Variants in IFT52 observed in about 807,000 individuals in gnomAD.
IFT52 encodes the protein intraflagellar transport 52.
IFT52 carries 44 observed loss-of-function variants against 54.4 expected under a neutral mutation model. That is an observed-to-expected ratio of 0.81 (90% confidence interval 0.63 to 1.04). The LOEUF (loss-of-function observed/expected upper bound fraction) is 1.04. Ranked by LOEUF, IFT52 falls within the 50% of genes least tolerant of loss-of-function variation. The probability of loss-of-function intolerance (pLI) is 0.00; values close to 1 mark genes in which losing one functional copy is unlikely to be tolerated. For synonymous variants in IFT52, 181 were observed against 185.3 expected, an observed-to-expected ratio of 0.98 and a Z score of 0.19; for missense variants, 452 against 523.6, an observed-to-expected ratio of 0.86 and a Z score of 1.33.
chr20:43,631,802 C>G (rs1479476857), intron 10 of IFT52, among the ~76,000 whole-genome samples: 1 of 152,144 alleles, frequency 6.6e-6, no homozygotes, highest in Non-Finnish European at 1.5e-5. Flanking sequence ...CTTGCTCTTG[C>G]CTCTGCCAGG....
rs76895994 is a variant in IFT52 at position 43,613,716 on chromosome 20, C to A, written c.486-134C>A. On this transcript the variant is annotated intron_variant, in intron 6 of 13. Coordinates refer to ENST00000373030, the MANE Select transcript of IFT52 (RefSeq NM_016004.5). ...AGGTTACAGTGAGCCAAGATCGCAC[C>A]ACTGCACTGCAGCCTGGGTGACTGA... 4.5e-3 allele frequency: 3,635 copies of A among 809,084 alleles called. 96 individuals carry two copies. In the African/African-American group the frequency reaches 0.055, roughly 12 times the overall value. 50.1% of individuals were successfully genotyped at this position (809,084 alleles called of 1,614,324 possible). A position where few individuals can be genotyped will look rare whatever the true frequency, so the allele number is the denominator to read the frequency against.
intron 10 of IFT52, among the ~76,000 whole-genome samples, chr20:43,625,291 G>GTT (rs1568774518): frequency 6.6e-6 from 1 of 151,930 alleles, no homozygotes; most frequent in Admixed American, 6.6e-5. Flanking sequence ...TGGGAAGATC[G>GTT]CGAGGTCAGG....
At position 43,619,109 on chromosome 20, in the gene IFT52, T is replaced by C; in HGVS notation, c.699+83T>C. 3.0e-6 allele frequency: 3 copies of C among 1,010,494 alleles called. No homozygotes were observed. In the East Asian group the frequency reaches 7.7e-5, roughly 26 times the overall value. 62.6% of individuals were successfully genotyped at this position (1,010,494 alleles called of 1,614,324 possible). A position where few individuals can be genotyped will look rare whatever the true frequency, so the allele number is the denominator to read the frequency against. ...AAAAAATACTGGTAAGTTTATTTGC[T>C]CATTTAAAAGCAGCTACTCAGAACC... is the stretch of plus-strand genomic sequence containing the variant. On this transcript the variant is annotated intron_variant, in intron 8 of 13. Coordinates refer to ENST00000373030, the MANE Select transcript of IFT52 (RefSeq NM_016004.5).
intron 7 of IFT52, among the ~76,000 whole-genome samples, chr20:43,616,575 A>G (rs1248926479): frequency 6.6e-6 from 1 of 152,028 alleles, no homozygotes; most frequent in Non-Finnish European, 1.5e-5. Flanking sequence ...TGAACAATAC[A>G]GAGATAAAGC....
At chr20:43,592,711 CTA>C (rs1476002661) in intron 1 of IFT52, among the ~76,000 whole-genome samples, 1 of 152,142 alleles carries the variant, frequency 6.6e-6, no homozygotes, top group African/African-American at 2.4e-5. Context: ...ACTTTTAACT[CTA>C]TAAAATTTAA....
At chr20:43,624,985 TACATCC>T (rs1984609482) in intron 10 of IFT52, among the ~76,000 whole-genome samples, 1 of 152,234 alleles carries the variant, frequency 6.6e-6, no homozygotes, top group South Asian at 2.1e-4. Flanking sequence ...GCCTTGCTTA[TACATCC>T]ACTCAGCAAG....
intron 6 of IFT52, among the ~76,000 whole-genome samples, chr20:43,609,542 T>C (rs1472313325): frequency 6.6e-6 from 1 of 151,772 alleles, no homozygotes; most frequent in Non-Finnish European, 1.5e-5. Context: ...GAGGCCGAGG[T>C]GGGCGGATCA....
chr20:43,600,304 A>ATT (rs747896469), intron 3 of IFT52, among the ~76,000 whole-genome samples: 17 of 138,546 alleles, frequency 1.2e-4, no homozygotes, highest in Admixed American at 1.5e-4. Context: ...GTAAAGTTCT[A>ATT]TTTTTTTTTT....
At chr20:43,610,122 C>T (rs1983306908) in intron 6 of IFT52, among the ~76,000 whole-genome samples, 1 of 150,022 alleles carries the variant, frequency 6.7e-6, no homozygotes, top group Admixed American at 6.7e-5. Context: ...CAACCCCCAT[C>T]TCTACTAAAA....
chr20:43,604,153 A>G (rs778563827), intron 4 of IFT52, 30 bp from the exon 5 acceptor site: 3 of 1,537,780 alleles, frequency 2.0e-6, no homozygotes, highest in South Asian at 2.2e-5. Context: ...TCTAACCTAA[A>G]ATATACCTCC....
At chr20:43,627,138 G>T (rs1419431761) in intron 10 of IFT52, among the ~76,000 whole-genome samples, 1 of 151,540 alleles carries the variant, frequency 6.6e-6, no homozygotes, top group African/African-American at 2.4e-5. Context: ...CTGGACTCCA[G>T]CCTGGGCAAC....
At chr20:43,619,062 T>G (rs771198061) in intron 8 of IFT52, 36 bp downstream of exon 8, 1 of 1,375,876 alleles carries the variant, frequency 7.3e-7, no homozygotes, top group Non-Finnish European at 1.0e-6. Flanking sequence ...ATATACAATG[T>G]GTATTATTTT....
intron 7 of IFT52, among the ~76,000 whole-genome samples, chr20:43,617,529 C>T (rs889581096): frequency 2.0e-5 from 3 of 151,616 alleles, no homozygotes; most frequent in Non-Finnish European, 2.9e-5. Flanking sequence ...CTGCAACCTC[C>T]GCTTCCCAGA....
In IFT52 at chr20:43,646,935, G is replaced by C; in HGVS notation, c.1267-1G>C. ...ATTCTGTGTCTTATTCTCTCATCCA[G>C]GAACATGACATCGATACAAGTGAAA... On this transcript the variant is annotated splice_acceptor_variant, in intron 13 of 13. Transcript: ENST00000373030. LOFTEE classifies it high-confidence loss of function. 6.2e-7 allele frequency: 1 copy of C among 1,612,846 alleles called. No homozygotes were observed. The highest frequency in any genetic ancestry group is 1.1e-5 in the South Asian group (1 of 91,048).
intron 8 of IFT52, among the ~76,000 whole-genome samples, chr20:43,619,881 GAC>G (rs972348297): frequency 7.6e-5 from 11 of 145,318 alleles, no homozygotes; most frequent in Admixed American, 7.0e-4. Context: ...AATGTCTCTA[GAC>G]ACATTATGGG....
At position 43,634,553 on chromosome 20, in the gene IFT52, A is replaced by C. The variant is rs181767075; in HGVS notation, c.924-1373A>C. Reference sequence around the variant, plus strand: ...AACATATTCTGATCTAAAATGAAAAAAGATTTAACTATGTAATCTATGTAA... The same window carrying C: ...AACATATTCTGATCTAAAATGAAAACAGATTTAACTATGTAATCTATGTAA... On this transcript the variant is annotated intron_variant, in intron 10 of 13. Transcript: ENST00000373030. Among the ~76,000 whole-genome samples, 249 of 152,324 alleles carry C rather than the reference A, an allele frequency of 1.6e-3. 1 individual carries two copies. Among genetic ancestry groups the C allele is most frequent in the African/African-American group, 5.7e-3 (235 of 41,574 alleles).
chr20:43,631,961 T>G (rs1016220790), intron 10 of IFT52, among the ~76,000 whole-genome samples: 18 of 151,738 alleles, frequency 1.2e-4, no homozygotes, highest in African/African-American at 1.7e-4. Context: ...GTTTCGCTCT[T>G]GTTGCCCAGG....
intron 6 of IFT52, among the ~76,000 whole-genome samples, chr20:43,612,203 T>A (rs1358440545): frequency 6.6e-6 from 1 of 152,152 alleles, no homozygotes; most frequent in African/African-American, 2.4e-5. Context: ...TTTTTCTTCC[T>A]CCATGGACAA....
chr20:43,611,246 C>T (rs1217352937), intron 6 of IFT52, among the ~76,000 whole-genome samples: 1 of 152,116 alleles, frequency 6.6e-6, no homozygotes, highest in Non-Finnish European at 1.5e-5. Context: ...GCTGTAGCCA[C>T]ACTGACTTTG....
Sources: gnomAD v4.1 joint callset for allele counts (sites outside exome capture counted in the v4.1 genomes callset) on GRCh38, gnomAD v4.1.1 for gene constraint, MANE v1.5 for transcripts, NCBI Gene and HGNC (gene_info 2026-07-23, HGNC 2026-07-21) for gene names.